KAT2B: variants seen among roughly 807,000 people sequenced by gnomAD.
KAT2B encodes histone acetyltransferase KAT2B.
Under a neutral mutation model 105.9 loss-of-function variants are expected in KAT2B, and 36 were observed. That is an observed-to-expected ratio of 0.34 (90% CI 0.26 to 0.45). The LOEUF (loss-of-function observed/expected upper bound fraction) is 0.45, where lower values mean the gene tolerates loss of function less well. Ranked by LOEUF, KAT2B falls within the 20% of genes least tolerant of loss-of-function variation. The pLI, the probability that KAT2B is intolerant of heterozygous loss-of-function variation, is 1.00. For synonymous variants in KAT2B, 397 were observed against 377.9 expected, an observed-to-expected ratio of 1.05 and a Z score of -0.59; for missense variants, 820 against 1,021.6, an observed-to-expected ratio of 0.80 and a Z score of 2.69.
intron 6 of KAT2B, among the ~76,000 whole-genome samples, chr3:20,113,018 C>T (rs748486245): frequency 3.9e-5 from 6 of 152,150 alleles, no homozygotes; most frequent in Non-Finnish European, 5.9e-5. Context: ...CCAATATTTG[C>T]ACATATATTT....
At chr3:20,045,430 A>C (rs1413294778) in intron 1 of KAT2B, among the ~76,000 whole-genome samples, 1 of 151,836 alleles carries the variant, frequency 6.6e-6, no homozygotes, top group African/African-American at 2.4e-5. Flanking sequence ...AGCTCACTGC[A>C]GCCTTGAACT....
intron 3 of KAT2B, among the ~76,000 whole-genome samples, chr3:20,096,010 G>A (rs1698801764): frequency 6.6e-6 from 1 of 152,120 alleles, no homozygotes; most frequent in Non-Finnish European, 1.5e-5. Context: ...GAGACTCCGA[G>A]GCAGAGGGAG....
In KAT2B at chr3:20,099,266, C is replaced by G. The variant is rs74357757; in HGVS notation, c.577-596C>G. 3.8e-3 allele frequency among the ~76,000 whole-genome samples: 580 copies of G among 152,264 alleles called. 5 individuals are homozygous for G. Among genetic ancestry groups the G allele is most frequent in the African/African-American group, 0.013 (550 of 41,560 alleles). ...GGATGGAAGGGAAATGAAAAAAAGA[C>G]TGTAACAGTGAAAGTTGCCCATTTA... On this transcript the variant is annotated intron_variant, in intron 3 of 17. Coordinates refer to ENST00000263754, the MANE Select transcript of KAT2B (RefSeq NM_003884.5).
chr3:20,116,507 T>C (rs1699209345), intron 7 of KAT2B, among the ~76,000 whole-genome samples: 1 of 152,210 alleles, frequency 6.6e-6, no homozygotes, highest in Non-Finnish European at 1.5e-5. Context: ...GTGAGATTAT[T>C]GTCCTGGGGT....
At chr3:20,140,627 A>AT (rs1699680412) in intron 13 of KAT2B, among the ~76,000 whole-genome samples, 1 of 152,072 alleles carries the variant, frequency 6.6e-6, no homozygotes, top group African/African-American at 2.4e-5. Flanking sequence ...AGTAGCTAAG[A>AT]TTACAGGTGT....
chr3:20,068,725 A>C (rs1321050039), intron 1 of KAT2B, among the ~76,000 whole-genome samples: 1 of 152,186 alleles, frequency 6.6e-6, no homozygotes. Context: ...AGAATGAGTC[A>C]GTGTGCATAA....
At chr3:20,119,811 A>C in intron 8 of KAT2B, 88 bp downstream of exon 8, 25 of 1,418,100 alleles carry the variant, frequency 1.8e-5, no homozygotes, top group Non-Finnish European at 2.4e-5. Flanking sequence ...ACTTGAACCA[A>C]GTACAGATTG....
chr3:20,077,266 C>G (rs1203761634), intron 2 of KAT2B, among the ~76,000 whole-genome samples: 1 of 152,092 alleles, frequency 6.6e-6, no homozygotes, highest in Non-Finnish European at 1.5e-5. Flanking sequence ...CCTTTGAGCC[C>G]AGGAGTTTGA....
chr3:20,042,446 A>T (rs1479107200), intron 1 of KAT2B, among the ~76,000 whole-genome samples: 1 of 152,200 alleles, frequency 6.6e-6, no homozygotes, highest in African/African-American at 2.4e-5. Context: ...GGTCATGGGT[A>T]CAGGGCATAC....
At chr3:20,146,679 G>T in intron 14 of KAT2B, 1 of 291,498 alleles carries the variant, frequency 3.4e-6, no homozygotes, top group Non-Finnish European at 6.5e-6. Context: ...TAATGAGTCT[G>T]CCATTTGTAG....
chr3:20,072,544 A>C, intron 2 of KAT2B, 85 bp downstream of exon 2: 1 of 1,327,480 alleles, frequency 7.5e-7, no homozygotes, highest in Middle Eastern at 1.8e-4. Context: ...GGGTTCACCA[A>C]ATTTGAATGC....
chr3:20,124,515 G>C (rs1216761436), intron 9 of KAT2B, among the ~76,000 whole-genome samples: 1 of 152,112 alleles, frequency 6.6e-6, no homozygotes, highest in East Asian at 1.9e-4. Context: ...ACAAGGGGAT[G>C]GTGCTAGGCC....
At chr3:20,054,726 C>G (rs965754667) in intron 1 of KAT2B, among the ~76,000 whole-genome samples, 6 of 152,218 alleles carry the variant, frequency 3.9e-5, no homozygotes, top group Non-Finnish European at 7.3e-5. Flanking sequence ...TCAGCTCTGA[C>G]AAGCTGGTGT....
chr3:20,058,453 C>CAAAAA (rs35239760), intron 1 of KAT2B, among the ~76,000 whole-genome samples: 3 of 74,536 alleles, frequency 4.0e-5, no homozygotes, highest in East Asian at 4.1e-4. Flanking sequence ...GACTCTGTCT[C>CAAAAA]AAAAAAAAAA....
intron 11 of KAT2B, among the ~76,000 whole-genome samples, chr3:20,128,748 C>G (rs906877870): frequency 6.6e-6 from 1 of 152,062 alleles, no homozygotes; most frequent in Non-Finnish European, 1.5e-5. Flanking sequence ...TGGCTCACAC[C>G]TGTAATCCTA....
chr3:20,131,844 G>A (rs1018562403), intron 11 of KAT2B, among the ~76,000 whole-genome samples: 6 of 152,170 alleles, frequency 3.9e-5, no homozygotes, highest in Middle Eastern at 3.2e-3. Context: ...GATTATAGGC[G>A]TGAGCCATTG....
chr3:20,047,441 G>A (rs6779730), intron 1 of KAT2B, among the ~76,000 whole-genome samples: 57,144 of 151,760 alleles, frequency 0.38, 11,006 homozygotes, highest in Admixed American at 0.45. Context: ...GTGAATCATG[G>A]GCATATATTT....
At chr3:20,059,692 G>A (rs994629127) in intron 1 of KAT2B, among the ~76,000 whole-genome samples, 8 of 152,118 alleles carry the variant, frequency 5.3e-5, no homozygotes, top group East Asian at 3.8e-4. Context: ...GCGACTGAGC[G>A]AGACTCCATC....
At chr3:20,143,812 A>G (rs577349331) in intron 13 of KAT2B, among the ~76,000 whole-genome samples, 1 of 152,324 alleles carries the variant, frequency 6.6e-6, no homozygotes, top group East Asian at 1.9e-4. Flanking sequence ...GTTTTCTGTT[A>G]TAAGTGGGAG....
Sources: allele counts gnomAD v4.1 joint callset (sites outside exome capture counted in the v4.1 genomes callset), GRCh38; gene constraint gnomAD v4.1.1; transcripts MANE v1.5; gene names NCBI Gene and HGNC (gene_info 2026-07-23, HGNC 2026-07-21).